The following RORA variants were observed in gnomAD, a reference collection of about 807,000 sequenced individuals.
RORA encodes RAR related orphan receptor A.
A neutral mutation model predicts 69.5 loss-of-function variants in RORA; 7 were observed. That is an observed-to-expected ratio of 0.10 (90% CI 0.06 to 0.19). RORA has a LOEUF of 0.19. RORA is among the 10% of genes least tolerant of loss of function. RORA has a pLI of 1.00. For synonymous variants in RORA, 261 were observed against 240.8 expected (o/e 1.08, Z -0.78); for missense variants, 457 against 663.0 (o/e 0.69, Z 3.41).
intron 1 of RORA, among the ~76,000 whole-genome samples, chr15:60,759,202 A>C (rs2071847033): frequency 1.3e-5 from 2 of 152,236 alleles, no homozygotes. Context: ...CACTCTGCTA[A>C]GAAATATTCC....
chr15:61,161,950 AATC>A (rs1431784907), intron 1 of RORA, among the ~76,000 whole-genome samples: 1 of 152,246 alleles, frequency 6.6e-6, no homozygotes, highest in African/African-American at 2.4e-5. Context: ...AGCCATTTTT[AATC>A]ACGTGGCAAA....
At chr15:60,947,306 G>A (rs562987646) in intron 1 of RORA, among the ~76,000 whole-genome samples, 1 of 152,044 alleles carries the variant, frequency 6.6e-6, no homozygotes, top group South Asian at 2.1e-4. Context: ...TGTCTGTGTG[G>A]AAAGAGGTAG....
At chr15:60,919,212 G>C (rs536398924) in intron 1 of RORA, among the ~76,000 whole-genome samples, 1 of 152,134 alleles carries the variant, frequency 6.6e-6, no homozygotes, top group Non-Finnish European at 1.5e-5. Context: ...ATTCTCACTG[G>C]ATATCACTGG....
At chr15:61,161,145 G>C (rs1416048218) in intron 1 of RORA, among the ~76,000 whole-genome samples, 2 of 152,150 alleles carry the variant, frequency 1.3e-5, no homozygotes, top group African/African-American at 4.8e-5. Flanking sequence ...GAAGCAATGG[G>C]AGGAGAGATG....
At chr15:60,788,408 A>G (rs549898110) in intron 1 of RORA, among the ~76,000 whole-genome samples, 1 of 152,320 alleles carries the variant, frequency 6.6e-6, no homozygotes, top group South Asian at 2.1e-4. Flanking sequence ...AGGAACGCAC[A>G]GCTCAAGACA....
intron 1 of RORA, among the ~76,000 whole-genome samples, chr15:60,817,811 G>C (rs150610684): frequency 3.3e-5 from 5 of 152,204 alleles, no homozygotes; most frequent in Non-Finnish European, 7.3e-5. Flanking sequence ...CTTACTTCCA[G>C]GTTTGCTCAT....
chr15:61,027,134 G>A (rs1263797249), intron 1 of RORA, among the ~76,000 whole-genome samples: 1 of 152,322 alleles, frequency 6.6e-6, no homozygotes, highest in African/African-American at 2.4e-5. Flanking sequence ...TATGAGCCCA[G>A]TGTGGGCGAG....
At chr15:61,028,817 G>T (rs1485928738) in intron 1 of RORA, among the ~76,000 whole-genome samples, 2 of 152,162 alleles carry the variant, frequency 1.3e-5, no homozygotes, top group Non-Finnish European at 2.9e-5. Flanking sequence ...ATGAAGTACT[G>T]ATTCACGCTA....
At chr15:60,819,759 A>ACACACACACACACACACGCG (rs1555455748) in intron 1 of RORA, among the ~76,000 whole-genome samples, 1,333 of 132,878 alleles carry the variant, frequency 0.01, 33 homozygotes, top group African/African-American at 0.036. Flanking sequence ...ACACACACAC[A>ACACACACACACACACACGCG]CACACACACA....
At chr15:61,173,632 C>T (rs1415675906) in intron 1 of RORA, among the ~76,000 whole-genome samples, 5 of 152,152 alleles carry the variant, frequency 3.3e-5, no homozygotes, top group Non-Finnish European at 5.9e-5. Flanking sequence ...CAAATAAAAT[C>T]AAAATACGGA....
chr15:60,969,571 A>G (rs540697379), intron 1 of RORA, among the ~76,000 whole-genome samples: 1 of 152,332 alleles, frequency 6.6e-6, no homozygotes, highest in East Asian at 1.9e-4. Flanking sequence ...GCTGGTGGAC[A>G]GGATGGAGAA....
At position 60,774,912 on chromosome 15, in the gene RORA, A is replaced by T. The variant is rs537041027; in HGVS notation, c.167-96226T>A. On this transcript the variant is annotated intron_variant, in intron 1 of 10. Transcript: ENST00000335670. ...GGAAACTTGAAAATTTAGGGTAATTATAGTATCAATTCATGATTACTCAAC... is the reference window on the plus strand; with the variant it reads ...GGAAACTTGAAAATTTAGGGTAATTTTAGTATCAATTCATGATTACTCAAC... Among the ~76,000 whole-genome samples, 376 of 152,332 alleles carry T rather than the reference A, an allele frequency of 2.5e-3. 1 individual carries two copies. The highest frequency in any genetic ancestry group is 4.6e-3 in the Non-Finnish European group (314 of 68,026).
intron 1 of RORA, among the ~76,000 whole-genome samples, chr15:60,922,699 G>C (rs913297602): frequency 2.0e-5 from 3 of 152,096 alleles, no homozygotes; most frequent in Non-Finnish European, 4.4e-5. Flanking sequence ...TTATGACTTT[G>C]GCCACCAATC....
In RORA at chr15:61,128,186, TGTGTGTGTGTATGCACAC is replaced by T. The variant is rs1241400011; in HGVS notation, c.166+100849_166+100866del. ...TATATTTTCCCTATATCATAATTGC[TGTGTGTGTGTATGCACAC>T]GTGTGTGTGTGTGTGTGTGTCTGTG... is the stretch of plus-strand genomic sequence containing the variant. On this transcript the variant is annotated intron_variant, in intron 1 of 10. Coordinates refer to ENST00000335670, the MANE Select transcript of RORA (RefSeq NM_134261.3). This position sits in a 1 kb window ranked among gnomAD's most constrained non-coding sequence, Gnocchi z 4.5. 2.0e-5 allele frequency among the ~76,000 whole-genome samples: 3 copies of T among 146,536 alleles called. No individual in the cohort carries two copies. The highest frequency in any genetic ancestry group is 4.6e-5 in the Non-Finnish European group (3 of 65,676).
chr15:60,673,547 T>A (rs1461567337), intron 2 of RORA, among the ~76,000 whole-genome samples: 2 of 152,178 alleles, frequency 1.3e-5, no homozygotes, highest in African/African-American at 4.8e-5. Flanking sequence ...AGGGTTAAAT[T>A]TTTGCCTTTT....
In RORA at chr15:61,148,350, A is replaced by G. The variant is rs565010882; in HGVS notation, c.166+80703T>C. On this transcript the variant is annotated intron_variant, in intron 1 of 10. Coordinates refer to ENST00000335670, the MANE Select transcript of RORA (RefSeq NM_134261.3). ...ATTCAGGTGCCTAAGGTACATCCAA[A>G]TGAAGTATTCAGAAGATGGTGCCGG... Among the ~76,000 whole-genome samples, 21 of 152,326 alleles carry G rather than the reference A, an allele frequency of 1.4e-4. No homozygotes were observed. The South Asian group carries it at 2.9e-3, about 21-fold the overall frequency.
At chr15:61,011,495 A>C (rs1895084418) in intron 1 of RORA, among the ~76,000 whole-genome samples, 1 of 152,214 alleles carries the variant, frequency 6.6e-6, no homozygotes, top group African/African-American at 2.4e-5. Context: ...GCTTGAAAAA[A>C]CAAAACAAAA....
At chr15:61,053,979 A>G (rs2078054747) in intron 1 of RORA, among the ~76,000 whole-genome samples, 2 of 151,500 alleles carry the variant, frequency 1.3e-5, no homozygotes. Context: ...TTTCTTGAAA[A>G]AGGAATCCTT....
intron 1 of RORA, among the ~76,000 whole-genome samples, chr15:60,722,027 G>A (rs548841679): frequency 1.1e-3 from 164 of 152,342 alleles, no homozygotes; most frequent in African/African-American, 3.8e-3. Flanking sequence ...ATTTAGCCCA[G>A]CCAGAGTCTA....
Sources: gnomAD v4.1 joint callset for allele counts (sites outside exome capture counted in the v4.1 genomes callset) on GRCh38, gnomAD v4.1.1 for gene constraint, Gnocchi (gnomAD v3.1) non-coding constraint, MANE v1.5 for transcripts, NCBI Gene and HGNC (gene_info 2026-07-23, HGNC 2026-07-21) for gene names.